EFHC2: variants seen among roughly 807,000 people sequenced by gnomAD.
EFHC2 encodes the protein EF-hand domain-containing family member C2.
Under a neutral mutation model 52.7 loss-of-function variants are expected in EFHC2, and 18 were observed. The ratio of observed to expected loss-of-function variants is 0.34; its 90% CI spans 0.24 to 0.51. The LOEUF is 0.51. EFHC2 is among the 20% of genes least tolerant of loss of function. The probability of loss-of-function intolerance (pLI) is 0.97; values close to 1 mark genes in which losing one functional copy is unlikely to be tolerated. For missense variants in EFHC2, 513 were observed against 562.5 expected, an observed-to-expected ratio of 0.91 and a Z score of 0.89; for synonymous variants, 203 against 204.1, an observed-to-expected ratio of 0.99 and a Z score of 0.04.
intron 1 of EFHC2, among the ~76,000 whole-genome samples, chrX:44,325,198 TTTA>T: frequency 9.0e-6 from 1 of 111,668 alleles, no homozygotes; most frequent in African/African-American, 3.3e-5. Flanking sequence ...AGGGCACTTA[TTTA>T]AAATGTTTGC....
chrX:44,323,277 A>G (rs1009087722), intron 1 of EFHC2, among the ~76,000 whole-genome samples: 1 of 112,452 alleles, frequency 8.9e-6, no homozygotes, highest in Non-Finnish European at 1.9e-5. Context: ...ACAGGGCCTG[A>G]TAGGCATGAG....
chrX:44,262,531 A>AAGAAAAGAAAAG (rs748889561), intron 3 of EFHC2, among the ~76,000 whole-genome samples: 6 of 93,678 alleles, frequency 6.4e-5, no homozygotes, highest in Admixed American at 4.1e-4. Context: ...AAAAAAAAAA[A>AAGAAAAGAAAAG]AAAAGAAAAG....
At chrX:44,265,160 T>C (rs1291956935) in intron 3 of EFHC2, among the ~76,000 whole-genome samples, 1 of 112,487 alleles carries the variant, frequency 8.9e-6, no homozygotes, top group Non-Finnish European at 1.9e-5. Flanking sequence ...TGTGTTTTCA[T>C]GTTATTCAGT....
At chrX:44,153,383 C>T (rs989759520) in intron 14 of EFHC2, among the ~76,000 whole-genome samples, 4 of 111,831 alleles carry the variant, frequency 3.6e-5, no homozygotes, top group Non-Finnish European at 7.5e-5. Context: ...CTCTTTCTTT[C>T]GAATCAATAC....
chrX:44,159,734 C>T (rs939691245), intron 14 of EFHC2, among the ~76,000 whole-genome samples: 27 of 112,711 alleles, frequency 2.4e-4, no homozygotes, highest in African/African-American at 8.4e-4. Context: ...GAACCTAGTG[C>T]TGAAGCACAG....
intron 11 of EFHC2, among the ~76,000 whole-genome samples, chrX:44,213,787 G>GGGTATA (rs1358718440): frequency 8.9e-6 from 1 of 111,762 alleles, no homozygotes; most frequent in Non-Finnish European, 1.9e-5. Context: ...AAAGGGAAGA[G>GGGTATA]GGTATAATGA....
At chrX:44,203,495 C>T (rs756693153) in intron 11 of EFHC2, among the ~76,000 whole-genome samples, 1 of 111,383 alleles carries the variant, frequency 9.0e-6, no homozygotes, top group African/African-American at 3.3e-5. Context: ...ACAAACAGGT[C>T]GTGAGCCCTT....
chrX:44,330,766 A>G (rs1001144028), intron 1 of EFHC2, among the ~76,000 whole-genome samples: 9 of 112,599 alleles, frequency 8.0e-5, no homozygotes, highest in African/African-American at 2.6e-4. Flanking sequence ...TATACAGATG[A>G]CAAATAAGCA....
At chrX:44,300,895 G>A (rs920772113) in intron 2 of EFHC2, among the ~76,000 whole-genome samples, 1 of 109,726 alleles carries the variant, frequency 9.1e-6, no homozygotes, top group African/African-American at 3.3e-5. Flanking sequence ...CAGATCATGA[G>A]GTCAGGAGAT....
intron 2 of EFHC2, among the ~76,000 whole-genome samples, chrX:44,274,838 G>A (rs1339140908): frequency 9.0e-6 from 1 of 111,208 alleles, no homozygotes; most frequent in Non-Finnish European, 1.9e-5. Context: ...GCTGCAGTGA[G>A]TTATGACCTC....
intron 2 of EFHC2, among the ~76,000 whole-genome samples, chrX:44,278,161 G>A (rs776272212): frequency 8.9e-6 from 1 of 112,211 alleles, no homozygotes; most frequent in Admixed American, 9.4e-5. Context: ...GATAACCTGA[G>A]GTCAGGAGTT....
At chrX:44,333,535 G>A (rs773403456) in intron 1 of EFHC2, among the ~76,000 whole-genome samples, 3 of 111,139 alleles carry the variant, frequency 2.7e-5, no homozygotes, top group East Asian at 5.7e-4. Context: ...GGTATCCTTC[G>A]CAATATTGAT....
rs1447565764 is a variant in EFHC2 at position 44,273,621 on chromosome X, A to AG, written c.232-786dup. ...CAGTTAAAATCATTTCTTTATGCTT[A>AG]GGTGCCATGTTGTATGAATAATATA... On this transcript the variant is annotated intron_variant, in intron 2 of 14. Coordinates refer to ENST00000420999, the MANE Select transcript of EFHC2 (RefSeq NM_025184.4). Among the ~76,000 whole-genome samples, 3 of 112,010 alleles carry AG rather than the reference A, an allele frequency of 2.7e-5. No homozygotes were observed. The East Asian group carries it at 8.4e-4, about 31-fold the overall frequency.
chrX:44,226,896 AAAAAAG>A (rs202042485), intron 11 of EFHC2, among the ~76,000 whole-genome samples: 1,208 of 109,453 alleles, frequency 0.011, 21 homozygotes, highest in African/African-American at 0.039. Context: ...AGTATAATAA[AAAAAAG>A]AAAAAGAAAA....
At chrX:44,322,352 G>C (rs939931452) in intron 1 of EFHC2, among the ~76,000 whole-genome samples, 11 of 112,297 alleles carry the variant, frequency 9.8e-5, no homozygotes, top group African/African-American at 2.9e-4. Context: ...TGTTCAATGA[G>C]CATCTATCGA....
chrX:44,200,206 T>C (rs1371198328), intron 11 of EFHC2, among the ~76,000 whole-genome samples: 2 of 111,594 alleles, frequency 1.8e-5, no homozygotes, highest in Admixed American at 1.9e-4. Context: ...AAATAAAAGA[T>C]TTTTTAAAAA....
At chrX:44,280,537 G>A (rs182205835) in intron 2 of EFHC2, among the ~76,000 whole-genome samples, 144 of 111,795 alleles carry the variant, frequency 1.3e-3, no homozygotes, top group African/African-American at 4.4e-3. Context: ...TCTGGACAAC[G>A]TAGAAAGATA....
chrX:44,271,579 C>A (rs2037617583), intron 3 of EFHC2, among the ~76,000 whole-genome samples: 2 of 110,974 alleles, frequency 1.8e-5, no homozygotes, highest in African/African-American at 6.6e-5. Flanking sequence ...AGCAACCAAA[C>A]AAACACTCAA....
In EFHC2 at chrX:44,168,933, C is replaced by G. The variant is rs1267690642; in HGVS notation, c.2043-4906G>C. ...AAATCCACTAATCAACAAACCCCTT[C>G]CCCTGACCAAAGCATCCAACATTAA... is the stretch of plus-strand genomic sequence containing the variant. On this transcript the variant is annotated intron_variant, in intron 13 of 14. Transcript: ENST00000420999. Among the ~76,000 whole-genome samples the G allele has an allele frequency of 4.5e-5, 5 of 110,222 alleles. No homozygotes were observed. The East Asian group carries it at 1.4e-3, about 32-fold the overall frequency.
Sources: allele counts gnomAD v4.1 joint callset (sites outside exome capture counted in the v4.1 genomes callset), GRCh38; gene constraint gnomAD v4.1.1; transcripts MANE v1.5; gene names NCBI Gene and HGNC (gene_info 2026-07-23, HGNC 2026-07-21).